The following XIRP2 variants were observed in gnomAD, a reference collection of about 807,000 sequenced individuals.
The protein encoded by XIRP2 is xin actin-binding repeat-containing protein 2.
In XIRP2, 236 loss-of-function variants were observed where a neutral mutation model predicts 277.0. That is an observed-to-expected ratio of 0.85 (90% CI 0.77 to 0.95). XIRP2 has a LOEUF of 0.95. Ranked by LOEUF, XIRP2 falls within the 40% of genes least tolerant of loss-of-function variation. The probability of loss-of-function intolerance (pLI) is 0.00; values close to 1 mark genes in which losing one functional copy is unlikely to be tolerated. For synonymous variants in XIRP2, 1,490 were observed against 1,416.5 expected, an observed-to-expected ratio of 1.05 and a Z score of -1.17; for missense variants, 4,640 against 4,157.5, an observed-to-expected ratio of 1.12 and a Z score of -3.19.
At chr2:167,063,151 T>C (rs1325632434) in intron 2 of XIRP2, among the ~76,000 whole-genome samples, 1 of 151,942 alleles carries the variant, frequency 6.6e-6, no homozygotes, top group South Asian at 2.1e-4. Flanking sequence ...GTCTTCAAAG[T>C]ATTTTCTATT....
chr2:167,233,558 A>G (rs1215732707), intron 5 of XIRP2, among the ~76,000 whole-genome samples: 2 of 151,862 alleles, frequency 1.3e-5, no homozygotes, highest in African/African-American at 4.8e-5. Context: ...TTAAATAACA[A>G]TAGATAGCAT....
At chr2:167,111,556 T>A (rs1170902228) in intron 2 of XIRP2, among the ~76,000 whole-genome samples, 1 of 152,216 alleles carries the variant, frequency 6.6e-6, no homozygotes, top group African/African-American at 2.4e-5. Flanking sequence ...CTTTTTAATA[T>A]GCTGCTGGAT....
At chr2:166,912,817 T>C (rs2105348171) in intron 2 of XIRP2, among the ~76,000 whole-genome samples, 1 of 152,312 alleles carries the variant, frequency 6.6e-6, no homozygotes, top group South Asian at 2.1e-4. Context: ...TTAGTTTTCC[T>C]TCTAACAGTC....
At chr2:166,917,180 C>T (rs1253912749) in intron 2 of XIRP2, among the ~76,000 whole-genome samples, 6 of 152,118 alleles carry the variant, frequency 3.9e-5, no homozygotes, top group Non-Finnish European at 4.4e-5. Context: ...ACAACACCTT[C>T]GTCTTGCAGC....
intron 2 of XIRP2, among the ~76,000 whole-genome samples, chr2:167,082,563 C>T (rs1167246613): frequency 6.6e-6 from 1 of 152,168 alleles, no homozygotes; most frequent in Admixed American, 6.5e-5. Flanking sequence ...GTCCCACCAA[C>T]AGTGTAAAAG....
At chr2:167,145,554 G>T (rs1691840990) in intron 3 of XIRP2, among the ~76,000 whole-genome samples, 1 of 152,126 alleles carries the variant, frequency 6.6e-6, no homozygotes, top group Non-Finnish European at 1.5e-5. Context: ...TTATTAATAT[G>T]AAATCCCAGA....
At chr2:167,197,495 G>A (rs868504466) in intron 3 of XIRP2, among the ~76,000 whole-genome samples, 13 of 151,630 alleles carry the variant, frequency 8.6e-5, no homozygotes, top group East Asian at 1.9e-4. Context: ...TTTACTTCTC[G>A]GTGATCTAGA....
intron 2 of XIRP2, among the ~76,000 whole-genome samples, chr2:166,926,521 C>A (rs1265301304): frequency 3.3e-5 from 5 of 152,062 alleles, no homozygotes; most frequent in African/African-American, 7.2e-5. Context: ...ATAATCTCTG[C>A]CTTTATAACA....
chr2:167,145,443 T>C (rs539264910), intron 3 of XIRP2, among the ~76,000 whole-genome samples: 1 of 152,172 alleles, frequency 6.6e-6, no homozygotes, highest in Admixed American at 6.5e-5. Flanking sequence ...GCTGAAAGAA[T>C]ATATAGTAGG....
chr2:167,189,237 C>G (rs541131710), intron 3 of XIRP2, among the ~76,000 whole-genome samples: 1 of 152,250 alleles, frequency 6.6e-6, no homozygotes, highest in South Asian at 2.1e-4. Context: ...ATATTTCTGT[C>G]TCTCTCTTTC....
chr2:166,995,908 C>G (rs545967150), intron 2 of XIRP2, among the ~76,000 whole-genome samples: 1 of 152,266 alleles, frequency 6.6e-6, no homozygotes, highest in Admixed American at 6.5e-5. Context: ...CTTTCCTCAG[C>G]TTTCACCAGC....
chr2:167,248,597 C>G lies in XIRP2; in HGVS notation c.7205C>G (p.Ser2402Trp). ...CAACAATATTCCCAAAAAGAAGCCT[C>G]GAACTCTCAGAATTCTCAGGCTAAA... ...FMQQYSQKEA[S>W]NSQNSQAKII... is the part of the protein sequence containing the mutation. Residue 2402 changes from serine (S) to tryptophan (W), a missense_variant, in exon 9 of 11, where the codon TCG becomes TGG. Physicochemically the swap from Ser to Trp is radical, Grantham distance 177 (BLOSUM62 -3). Coordinates refer to ENST00000409195, the MANE Select transcript of XIRP2 (RefSeq NM_152381.6). The G allele has an allele frequency of 4.3e-6, 7 of 1,613,744 alleles. No homozygotes were observed. The Admixed American group carries it at 1.2e-4, about 27-fold the overall frequency.
chr2:167,178,857 C>T (rs549882913), intron 3 of XIRP2, among the ~76,000 whole-genome samples: 3 of 152,258 alleles, frequency 2.0e-5, no homozygotes, highest in Admixed American at 6.5e-5. Context: ...CATCTGTAAA[C>T]ATCATATCTA....
rs1695277475 is a variant in XIRP2 at position 167,246,633 on chromosome 2, A to C, written c.5241A>C (p.Thr1747=). The C allele has an allele frequency of 8.1e-6, 13 of 1,613,816 alleles. No individual in the cohort carries two copies. The highest frequency in any genetic ancestry group is 1.0e-5 in the Non-Finnish European group (12 of 1,179,848). The change falls in exon 9 of 11, where the codon ACA becomes ACC. Residue 1747 remains threonine (T), a synonymous_variant. Transcript: ENST00000409195. ...AGAGAGGAAATGTTCAGTTTTTCAC[A>C]ACCTGCATAGAAGCTGGAGCTTTGG... is the stretch of plus-strand genomic sequence containing the variant. ...ASERGNVQFF[T]TCIEAGALDY...
At chr2:167,070,114 T>C (rs779321221) in intron 2 of XIRP2, among the ~76,000 whole-genome samples, 7 of 151,866 alleles carry the variant, frequency 4.6e-5, no homozygotes, top group Non-Finnish European at 7.4e-5. Context: ...TTGCTGGAAT[T>C]CCTTCATTCT....
At chr2:167,098,141 G>T (rs1334832012) in intron 2 of XIRP2, among the ~76,000 whole-genome samples, 1 of 152,158 alleles carries the variant, frequency 6.6e-6, no homozygotes, top group Admixed American at 6.5e-5. Flanking sequence ...CCTGAAGTGT[G>T]TTTTCCAACT....
Position 167,068,880 on chromosome 2 carries a change from G to A in XIRP2, c.409-67029G>A, listed in dbSNP as rs73014189. On this transcript the variant is annotated intron_variant, in intron 2 of 10. Transcript: ENST00000409195. ...CTCATCAGCTATCATTAGCTTTAGTGTATTTTATGTGTGGTCCAAGACAAT... is the reference window on the plus strand; with the variant it reads ...CTCATCAGCTATCATTAGCTTTAGTATATTTTATGTGTGGTCCAAGACAAT... Among the ~76,000 whole-genome samples the A allele has an allele frequency of 4.6e-3, 706 of 152,190 alleles. 5 individuals carry two copies. The highest frequency in any genetic ancestry group is 0.017 in the African/African-American group (687 of 41,536).
intron 2 of XIRP2, among the ~76,000 whole-genome samples, chr2:166,939,963 C>G (rs575798726): frequency 6.6e-6 from 1 of 151,968 alleles, no homozygotes; most frequent in Non-Finnish European, 1.5e-5. Context: ...TTGTGGTGTT[C>G]TCTGTATTTC....
intron 2 of XIRP2, among the ~76,000 whole-genome samples, chr2:167,022,131 T>C (rs1198377904): frequency 6.6e-6 from 1 of 152,126 alleles, no homozygotes; most frequent in Non-Finnish European, 1.5e-5. Flanking sequence ...TTTTAATATA[T>C]CTCCTTTTTT....
Sources: allele counts gnomAD v4.1 joint callset (sites outside exome capture counted in the v4.1 genomes callset), GRCh38; gene constraint gnomAD v4.1.1; transcripts MANE v1.5; gene names NCBI Gene and HGNC (gene_info 2026-07-23, HGNC 2026-07-21).